The following GBE1 variants were observed in gnomAD, a reference collection of about 807,000 sequenced individuals.
The protein encoded by GBE1 is 1,4-alpha-glucan branching enzyme 1.
GBE1 carries 70 observed loss-of-function variants against 88.8 expected under a neutral mutation model. That is an observed-to-expected ratio of 0.79 (90% CI 0.65 to 0.96). The LOEUF (loss-of-function observed/expected upper bound fraction) is 0.96, where lower values mean the gene tolerates loss of function less well. Ranked by LOEUF, GBE1 falls within the 40% of genes least tolerant of loss-of-function variation. The probability of loss-of-function intolerance (pLI) is 0.00; values close to 1 mark genes in which losing one functional copy is unlikely to be tolerated. For missense variants in GBE1, 872 were observed against 871.0 expected, an observed-to-expected ratio of 1.00 and a Z score of -0.01; for synonymous variants, 284 against 300.1, an observed-to-expected ratio of 0.95 and a Z score of 0.56.
intron 1 of GBE1, among the ~76,000 whole-genome samples, chr3:81,742,644 G>C (rs1019838164): frequency 1.3e-5 from 2 of 152,080 alleles, no homozygotes; most frequent in East Asian, 1.9e-4. Context: ...AATTACTACT[G>C]GCCTGGCTGG....
chr3:81,591,193 ATTATG>A (rs1703873531), intron 8 of GBE1, 29 bp from the exon 9 acceptor site: 1 of 1,551,108 alleles, frequency 6.4e-7, no homozygotes, highest in South Asian at 1.2e-5. Context: ...ATACGGATAT[ATTATG>A]TTAACAAGCA....
chr3:81,719,745 T>C (rs1705993982), intron 1 of GBE1, among the ~76,000 whole-genome samples: 1 of 152,176 alleles, frequency 6.6e-6, no homozygotes. Flanking sequence ...TTTATATCTT[T>C]ATGATATATA....
intron 2 of GBE1, among the ~76,000 whole-genome samples, chr3:81,686,808 C>A (rs1464176130): frequency 6.6e-6 from 1 of 151,944 alleles, no homozygotes; most frequent in Non-Finnish European, 1.5e-5. Context: ...ATACGCAAAC[C>A]ACATCCACCT....
intron 14 of GBE1, among the ~76,000 whole-genome samples, chr3:81,500,055 C>A (rs1328747435): frequency 6.6e-6 from 1 of 152,100 alleles, no homozygotes; most frequent in Non-Finnish European, 1.5e-5. Context: ...TTACTGCAAA[C>A]ATTATCACAT....
At chr3:81,739,533 C>T (rs1706318220) in intron 1 of GBE1, among the ~76,000 whole-genome samples, 3 of 152,172 alleles carry the variant, frequency 2.0e-5, no homozygotes, top group African/African-American at 7.2e-5. Context: ...TAGAAGACAA[C>T]ATATTGCCTG....
chr3:81,611,333 G>A (rs1704180110), intron 7 of GBE1, among the ~76,000 whole-genome samples: 1 of 152,072 alleles, frequency 6.6e-6, no homozygotes, highest in South Asian at 2.1e-4. Context: ...ACATTTAAGA[G>A]GGATATAGAC....
intron 6 of GBE1, among the ~76,000 whole-genome samples, chr3:81,645,826 G>A (rs1457480743): frequency 6.6e-6 from 1 of 152,182 alleles, no homozygotes; most frequent in East Asian, 1.9e-4. Context: ...GATGATGGGA[G>A]CAATGTCTAT....
At chr3:81,626,569 G>A (rs1268004371) in intron 7 of GBE1, among the ~76,000 whole-genome samples, 1 of 151,960 alleles carries the variant, frequency 6.6e-6, no homozygotes, top group Non-Finnish European at 1.5e-5. Flanking sequence ...AAATAAACAG[G>A]AGATGGATAC....
chr3:81,628,556 A>G (rs1263377843), intron 7 of GBE1, among the ~76,000 whole-genome samples: 1 of 151,940 alleles, frequency 6.6e-6, no homozygotes. Context: ...TTTCTTCATT[A>G]CTGCTAACAT....
At chr3:81,627,691 C>G (rs1704437068) in intron 7 of GBE1, among the ~76,000 whole-genome samples, 1 of 150,892 alleles carries the variant, frequency 6.6e-6, no homozygotes, top group African/African-American at 2.4e-5. Context: ...TTATAAGAAA[C>G]AATACTAATT....
intron 2 of GBE1, among the ~76,000 whole-genome samples, chr3:81,675,523 C>T (rs1437478662): frequency 6.6e-6 from 1 of 151,936 alleles, no homozygotes; most frequent in Non-Finnish European, 1.5e-5. Flanking sequence ...TTAGTGTCTA[C>T]AGATAATATT....
chr3:81,738,688 C>T (rs2594550), intron 1 of GBE1, among the ~76,000 whole-genome samples: 2,414 of 152,226 alleles, frequency 0.016, 58 homozygotes, highest in African/African-American at 0.054. Flanking sequence ...TCCGTATCTC[C>T]TAATCACAAT....
chr3:81,707,945 AT>A (rs1705801769), intron 1 of GBE1, among the ~76,000 whole-genome samples: 3 of 151,928 alleles, frequency 2.0e-5, no homozygotes, highest in Admixed American at 2.0e-4. Flanking sequence ...CAGTGGGATT[AT>A]TTTGGTGAGG....
intron 7 of GBE1, among the ~76,000 whole-genome samples, chr3:81,639,853 T>C (rs1464649856): frequency 5.3e-5 from 8 of 152,026 alleles, no homozygotes; most frequent in Admixed American, 5.2e-4. Context: ...GAGTGAACCA[T>C]CCTGAAAGCA....
chr3:81,536,142 T>C (rs1215023077), intron 13 of GBE1, among the ~76,000 whole-genome samples: 1 of 151,826 alleles, frequency 6.6e-6, no homozygotes, highest in Non-Finnish European at 1.5e-5. Flanking sequence ...GCATTACTAA[T>C]AAACGTGATT....
At chr3:81,726,438 G>GT (rs1706113039) in intron 1 of GBE1, among the ~76,000 whole-genome samples, 1 of 152,122 alleles carries the variant, frequency 6.6e-6, no homozygotes, top group East Asian at 1.9e-4. Context: ...GACTCTCAGT[G>GT]TAACAGGCAG....
At chr3:81,704,007 G>A (rs184469900) in intron 2 of GBE1, among the ~76,000 whole-genome samples, 4 of 152,006 alleles carry the variant, frequency 2.6e-5, no homozygotes, top group African/African-American at 4.8e-5. Flanking sequence ...CATTGACACC[G>A]AAGGATTACT....
At chr3:81,623,042 A>G (rs1704354298) in intron 7 of GBE1, among the ~76,000 whole-genome samples, 1 of 152,170 alleles carries the variant, frequency 6.6e-6, no homozygotes, top group African/African-American at 2.4e-5. Flanking sequence ...CAGTAATGTC[A>G]TACCATTTCC....
At chr3:81,563,146 G>T (rs2106912526) in intron 12 of GBE1, among the ~76,000 whole-genome samples, 1 of 152,208 alleles carries the variant, frequency 6.6e-6, no homozygotes, top group East Asian at 1.9e-4. Context: ...CACTGGCAGA[G>T]TCCGGTATTC....
Sources: allele counts gnomAD v4.1 joint callset (sites outside exome capture counted in the v4.1 genomes callset), GRCh38; gene constraint gnomAD v4.1.1; transcripts MANE v1.5; gene names NCBI Gene and HGNC (gene_info 2026-07-23, HGNC 2026-07-21).